LPP: variants seen among roughly 807,000 people sequenced by gnomAD.
LPP encodes the protein LIM domain containing preferred translocation partner in lipoma, also known as lipoma-preferred partner.
Under a neutral mutation model 60.4 loss-of-function variants are expected in LPP, and 38 were observed. That is an observed-to-expected ratio of 0.63 (90% CI 0.49 to 0.83). LPP has a LOEUF of 0.83. LPP is among the 40% of genes least tolerant of loss of function. LPP has a pLI of 0.00. For missense variants in LPP, 902 were observed against 783.6 expected (o/e 1.15, Z -1.80); for synonymous variants, 328 against 290.8 (o/e 1.13, Z -1.30).
At chr3:188,605,917 G>A (rs1842295683) in intron 6 of LPP, among the ~76,000 whole-genome samples, 1 of 152,144 alleles carries the variant, frequency 6.6e-6, no homozygotes, top group Non-Finnish European at 1.5e-5. Flanking sequence ...TGGGGAGTTT[G>A]GAAATGAATG....
rs1002522481 is a variant in LPP at position 188,673,033 on chromosome 3, C to T, written c.1114-35234C>T. On this transcript the variant is annotated intron_variant, in intron 7 of 11. Coordinates refer to ENST00000617246, the MANE Select transcript of LPP (RefSeq NM_001375462.1). ...CAAGCTATATTAAGTCCCATTTGGG[C>T]CATTAATGTGTGTGCAACATGGTCT... Among the ~76,000 whole-genome samples the T allele has an allele frequency of 5.3e-5, 8 of 151,542 alleles. 1 individual carries two copies. The highest frequency in any genetic ancestry group is 4.0e-4 in the Admixed American group (6 of 15,188).
chr3:188,199,840 G>A (rs9829165), intron 1 of LPP, among the ~76,000 whole-genome samples: 3,461 of 151,720 alleles, frequency 0.023, 48 homozygotes, highest in South Asian at 0.035. Flanking sequence ...TCAGCCTCCC[G>A]AGTAGCTGGG....
chr3:188,886,829 C>T lies in LPP; in HGVS notation c.*12350C>T. 8.8e-6 allele frequency: 2 copies of T among 228,082 alleles called. No individual in the cohort carries two copies. Among genetic ancestry groups the T allele is most frequent in the Non-Finnish European group, 1.7e-5 (2 of 115,488 alleles). The allele number at this position is 228,082 out of a possible 1,614,324, so 14.1% of individuals were successfully genotyped here. A position where few individuals can be genotyped will look rare whatever the true frequency, so the allele number is the denominator to read the frequency against. On this transcript the variant is annotated 3_prime_UTR_variant, in exon 12 of 12. Coordinates refer to ENST00000617246, the MANE Select transcript of LPP (RefSeq NM_001375462.1). ...ATTTTTAAGCACTTGGGTTTTCAGG[C>T]CAGAAAATTAATAAATCCTAAACCT...
chr3:188,230,799 A>G (rs1273082541), intron 2 of LPP, among the ~76,000 whole-genome samples: 1 of 151,684 alleles, frequency 6.6e-6, no homozygotes, highest in Non-Finnish European at 1.5e-5. Context: ...GAAAAAAAGC[A>G]TTGATTAATA....
At chr3:188,841,070 G>C (rs1402613566) in intron 9 of LPP, among the ~76,000 whole-genome samples, 1 of 152,180 alleles carries the variant, frequency 6.6e-6, no homozygotes, top group Non-Finnish European at 1.5e-5. Flanking sequence ...AGGAGAATTA[G>C]GAGACCACCA....
intron 7 of LPP, among the ~76,000 whole-genome samples, chr3:188,654,907 T>A (rs770116521): frequency 5.3e-5 from 8 of 152,178 alleles, no homozygotes; most frequent in Admixed American, 2.0e-4. Flanking sequence ...ATCATACTAA[T>A]ACCAATGGAA....
intron 6 of LPP, among the ~76,000 whole-genome samples, chr3:188,532,688 T>C (rs932323466): frequency 3.3e-5 from 5 of 152,184 alleles, no homozygotes; most frequent in African/African-American, 1.2e-4. Flanking sequence ...TGCTTCCTTT[T>C]GGTTATTTCA....
chr3:188,366,225 T>A (rs1284809352), intron 3 of LPP, among the ~76,000 whole-genome samples: 1 of 152,240 alleles, frequency 6.6e-6, no homozygotes, highest in Non-Finnish European at 1.5e-5. Context: ...TCCTTCTTTG[T>A]TAAGGCTGAA....
chr3:188,317,265 C>G (rs1181176071), intron 2 of LPP, among the ~76,000 whole-genome samples: 1 of 151,088 alleles, frequency 6.6e-6, no homozygotes, highest in African/African-American at 2.4e-5. Context: ...CTAAGTCAAC[C>G]AAAAATGCTG....
intron 1 of LPP, among the ~76,000 whole-genome samples, chr3:188,172,651 A>T (rs1412683768): frequency 1.3e-5 from 2 of 152,190 alleles, no homozygotes; most frequent in African/African-American, 4.8e-5. Flanking sequence ...GAATTTTCAT[A>T]TACTACTCAC....
intron 3 of LPP, among the ~76,000 whole-genome samples, chr3:188,385,867 C>A (rs1197563659): frequency 6.6e-6 from 1 of 152,126 alleles, no homozygotes; most frequent in Admixed American, 6.5e-5. Flanking sequence ...AAAAGATTAA[C>A]CTGAGTGCGG....
intron 7 of LPP, among the ~76,000 whole-genome samples, chr3:188,626,211 A>G (rs1846802446): frequency 6.6e-6 from 1 of 152,180 alleles, no homozygotes; most frequent in South Asian, 2.1e-4. Flanking sequence ...CTGCCAATGG[A>G]AAGTGTTTGT....
chr3:188,720,310 A>G (rs1258409578), intron 8 of LPP, among the ~76,000 whole-genome samples: 1 of 152,200 alleles, frequency 6.6e-6, no homozygotes, highest in Non-Finnish European at 1.5e-5. Flanking sequence ...AGATAATGGA[A>G]ATGATATAAT....
chr3:188,493,443 T>G (rs1808975636), intron 5 of LPP, among the ~76,000 whole-genome samples: 1 of 152,146 alleles, frequency 6.6e-6, no homozygotes, highest in South Asian at 2.1e-4. Flanking sequence ...GTCAAGGTTT[T>G]CTTTATGTAA....
At chr3:188,535,609 G>A (rs1204089765) in intron 6 of LPP, among the ~76,000 whole-genome samples, 1 of 152,098 alleles carries the variant, frequency 6.6e-6, no homozygotes, top group Non-Finnish European at 1.5e-5. Flanking sequence ...AATAAGTGTG[G>A]CCGAAGTGAA....
At chr3:188,376,318 C>T (rs1775071749) in intron 3 of LPP, among the ~76,000 whole-genome samples, 1 of 151,696 alleles carries the variant, frequency 6.6e-6, no homozygotes, top group Non-Finnish European at 1.5e-5. Context: ...TAAAGTCTCC[C>T]ATTATTATTG....
At chr3:188,593,158 G>GTA (rs1839270618) in intron 6 of LPP, among the ~76,000 whole-genome samples, 2 of 136,730 alleles carry the variant, frequency 1.5e-5, no homozygotes, top group African/African-American at 5.0e-5. Flanking sequence ...TGCCTGGTGT[G>GTA]TGTGTGTGTG....
At chr3:188,179,624 C>T in intron 1 of LPP, 2 of 385,820 alleles carry the variant, frequency 5.2e-6, no homozygotes, top group Admixed American at 3.0e-5. Context: ...CTCCATTTCT[C>T]ATCCTGCCAG....
At chr3:188,756,895 A>G (rs1203521823) in intron 8 of LPP, among the ~76,000 whole-genome samples, 6 of 152,212 alleles carry the variant, frequency 3.9e-5, no homozygotes, top group Admixed American at 3.9e-4. Flanking sequence ...TTCCTTAGGA[A>G]TACAATACAG....
Sources: gnomAD v4.1 joint callset for allele counts (sites outside exome capture counted in the v4.1 genomes callset) on GRCh38, gnomAD v4.1.1 for gene constraint, MANE v1.5 for transcripts, NCBI Gene and HGNC (gene_info 2026-07-23, HGNC 2026-07-21) for gene names.